EYS: variants seen among roughly 807,000 people sequenced by gnomAD.
EYS encodes EGF-like photoreceptor maintenance factor, also known as protein eyes shut homolog.
A neutral mutation model predicts 282.1 loss-of-function variants in EYS; 250 were observed. That is an observed-to-expected ratio of 0.89 (90% CI 0.80 to 0.98). EYS has a LOEUF of 0.98. Among genes scored for constraint, EYS ranks in the 50% least tolerant of loss-of-function variants. The pLI, the probability that EYS is intolerant of heterozygous loss-of-function variation, is 0.00. For missense variants in EYS, 4,016 were observed against 3,709.0 expected, an observed-to-expected ratio of 1.08 and a Z score of -2.15; for synonymous variants, 1,355 against 1,282.9, an observed-to-expected ratio of 1.06 and a Z score of -1.20.
intron 22 of EYS, among the ~76,000 whole-genome samples, chr6:64,748,356 A>G (rs1438482446): frequency 6.6e-6 from 1 of 152,200 alleles, no homozygotes; most frequent in African/African-American, 2.4e-5. Flanking sequence ...TTTTCCACAG[A>G]CAGGGTGAGG....
intron 37 of EYS, among the ~76,000 whole-genome samples, chr6:63,790,036 G>T (rs1199378062): frequency 6.6e-6 from 1 of 152,142 alleles, no homozygotes; most frequent in East Asian, 1.9e-4. Flanking sequence ...TAGTGGGTGG[G>T]GCAAAAGAAG....
At chr6:65,532,540 T>A (rs770189066) in intron 2 of EYS, among the ~76,000 whole-genome samples, 3 of 152,166 alleles carry the variant, frequency 2.0e-5, no homozygotes, top group Non-Finnish European at 4.4e-5. Context: ...CAATGTAATA[T>A]CACATTTGTT....
At chr6:63,896,632 C>A (rs958770907) in intron 35 of EYS, among the ~76,000 whole-genome samples, 2 of 152,160 alleles carry the variant, frequency 1.3e-5, no homozygotes, top group African/African-American at 4.8e-5. Flanking sequence ...TGTGTTTGGA[C>A]AAATACAGAA....
chr6:64,129,069 C>T (rs990889739), intron 31 of EYS, among the ~76,000 whole-genome samples: 3 of 152,168 alleles, frequency 2.0e-5, no homozygotes, highest in African/African-American at 7.2e-5. Flanking sequence ...CACAGCCACA[C>T]CCATCATTCA....
At position 65,094,371 on chromosome 6, in the gene EYS, C is replaced by T. The variant is rs138621472; in HGVS notation, c.2024-36644G>A. ...GGACTAAAACAATACTATAGACCAA[C>T]GGGACCTAACAGACACATATGAAAG... is the stretch of plus-strand genomic sequence containing the variant. On this transcript the variant is annotated intron_variant, in intron 12 of 42. Transcript: ENST00000503581. 7.2e-3 allele frequency among the ~76,000 whole-genome samples: 995 copies of T among 138,376 alleles called. 9 individuals are homozygous for T. The highest frequency in any genetic ancestry group is 0.025 in the African/African-American group (938 of 37,384). The allele number at this position is 138,376 out of a possible 152,430, so 90.8% of individuals were successfully genotyped here.
chr6:63,746,832 C>T (rs1034477513), intron 41 of EYS, among the ~76,000 whole-genome samples: 2 of 151,564 alleles, frequency 1.3e-5, no homozygotes, highest in Non-Finnish European at 3.0e-5. Context: ...CTTAGTCTGG[C>T]TAGTCTGGCT....
intron 14 of EYS, among the ~76,000 whole-genome samples, chr6:64,991,292 G>A (rs1281961319): frequency 6.6e-6 from 1 of 151,586 alleles, no homozygotes; most frequent in East Asian, 1.9e-4. Context: ...ATAGCAGGCT[G>A]TTTAAAATGG....
chr6:65,351,428 C>T (rs903020635), intron 9 of EYS, among the ~76,000 whole-genome samples: 11 of 151,598 alleles, frequency 7.3e-5, no homozygotes, highest in Non-Finnish European at 1.3e-4. Context: ...TGTATTACAC[C>T]ACCCATTTTC....
chr6:64,590,081 G>A, intron 26 of EYS, 142 bp downstream of exon 26: 1 of 662,916 alleles, frequency 1.5e-6, no homozygotes, highest in South Asian at 2.1e-5. Context: ...TACAACAGCA[G>A]GTGCCTTCTC....
intron 30 of EYS, among the ~76,000 whole-genome samples, chr6:64,301,047 C>T (rs1582561625): frequency 6.6e-6 from 1 of 152,128 alleles, no homozygotes; most frequent in Non-Finnish European, 1.5e-5. Flanking sequence ...AGTTAGATAC[C>T]TCTGTCATAA....
intron 26 of EYS, among the ~76,000 whole-genome samples, chr6:64,461,965 AT>A (rs1195308155): frequency 6.6e-6 from 1 of 152,134 alleles, no homozygotes; most frequent in Non-Finnish European, 1.5e-5. Context: ...AAAGCAATAA[AT>A]TTCCCTTCTA....
intron 1 of EYS, among the ~76,000 whole-genome samples, chr6:65,651,592 C>T (rs980285149): frequency 2.3e-4 from 35 of 152,002 alleles, no homozygotes; most frequent in Admixed American, 1.8e-3. Flanking sequence ...TCTCCAGTTG[C>T]AAAACTCTTC....
At chr6:65,446,426 T>C (rs745963560) in intron 5 of EYS, among the ~76,000 whole-genome samples, 1 of 151,898 alleles carries the variant, frequency 6.6e-6, no homozygotes, top group Admixed American at 6.6e-5. Context: ...GTTTAAATGA[T>C]ATAAATGTTT....
At chr6:64,856,347 A>T (rs1222929592) in intron 19 of EYS, among the ~76,000 whole-genome samples, 1 of 151,960 alleles carries the variant, frequency 6.6e-6, no homozygotes, top group Non-Finnish European at 1.5e-5. Context: ...ATCACCCAGG[A>T]TGGAGTTCAG....
intron 19 of EYS, among the ~76,000 whole-genome samples, chr6:64,865,471 G>A (rs1021288083): frequency 6.6e-6 from 1 of 152,082 alleles, no homozygotes; most frequent in African/African-American, 2.4e-5. Context: ...TTTCTAAAGA[G>A]TGAGTGATTT....
At chr6:63,868,682 C>T (rs891556604) in intron 35 of EYS, among the ~76,000 whole-genome samples, 7 of 152,154 alleles carry the variant, frequency 4.6e-5, no homozygotes, top group Admixed American at 1.3e-4. Context: ...AGGAGGTATG[C>T]AAATGAGATC....
At chr6:64,729,727 C>T (rs766537430) in intron 22 of EYS, among the ~76,000 whole-genome samples, 1 of 149,122 alleles carries the variant, frequency 6.7e-6, no homozygotes, top group Non-Finnish European at 1.5e-5. Context: ...TTTGCACCAA[C>T]CTAATACATG....
chr6:64,310,241 C>T (rs1244408998), intron 29 of EYS, among the ~76,000 whole-genome samples: 1 of 151,944 alleles, frequency 6.6e-6, no homozygotes, highest in Non-Finnish European at 1.5e-5. Context: ...GGGTACATAC[C>T]CAAAGGAATA....
intron 30 of EYS, among the ~76,000 whole-genome samples, chr6:64,256,115 A>G (rs1349418052): frequency 6.6e-6 from 1 of 152,022 alleles, no homozygotes; most frequent in Non-Finnish European, 1.5e-5. Context: ...TAATCATAAT[A>G]CTCTTAATTT....
Sources: gnomAD v4.1 joint callset for allele counts (sites outside exome capture counted in the v4.1 genomes callset) on GRCh38, gnomAD v4.1.1 for gene constraint, MANE v1.5 for transcripts, NCBI Gene and HGNC (gene_info 2026-07-23, HGNC 2026-07-21) for gene names.